The following ATF1 variants were observed in gnomAD, a reference collection of about 807,000 sequenced individuals.
ATF1 encodes the protein cyclic AMP-dependent transcription factor ATF-1.
Under a neutral mutation model 34.7 loss-of-function variants are expected in ATF1, and 16 were observed. The ratio of observed to expected loss-of-function variants is 0.46; its 90% CI spans 0.31 to 0.70. The LOEUF is 0.70. Among genes scored for constraint, ATF1 ranks in the 30% least tolerant of loss-of-function variants. The probability of loss-of-function intolerance (pLI) is 0.05; values close to 1 mark genes in which losing one functional copy is unlikely to be tolerated. For missense variants in ATF1, 255 were observed against 321.6 expected, an observed-to-expected ratio of 0.79 and a Z score of 1.58; for synonymous variants, 105 against 113.1, an observed-to-expected ratio of 0.93 and a Z score of 0.46.
intron 1 of ATF1, among the ~76,000 whole-genome samples, chr12:50,774,310 C>G (rs1940856412): frequency 1.3e-5 from 2 of 152,212 alleles, no homozygotes; most frequent in South Asian, 2.1e-4. Context: ...GTTGGGATTA[C>G]AGGCGTGAGC....
At chr12:50,799,187 C>A (rs1941467380) in intron 3 of ATF1, among the ~76,000 whole-genome samples, 1 of 152,088 alleles carries the variant, frequency 6.6e-6, no homozygotes, top group South Asian at 2.1e-4. Flanking sequence ...GAATTTAAGA[C>A]CAATCTGTGT....
rs994723582 is a variant in ATF1 at position 50,800,059 on chromosome 12, A to G, written c.194+4050A>G. 4.6e-5 allele frequency among the ~76,000 whole-genome samples: 7 copies of G among 152,254 alleles called. No homozygotes were observed. In the South Asian group the frequency reaches 8.3e-4, roughly 18 times the overall value. ...AAATAAATCATTGCCCAGACTTACC[A>G]TAATCAAACTGCTGAAAGCTAAAGT... On this transcript the variant is annotated intron_variant, in intron 3 of 6. Coordinates refer to ENST00000262053, the MANE Select transcript of ATF1 (RefSeq NM_005171.5).
rs138054326 is a variant in ATF1, at chr12:50,795,974, A to C, written c.159A>C (p.Lys53Asn). 2.2e-5 allele frequency: 35 copies of C among 1,612,740 alleles called. No individual in the cohort carries two copies. The highest frequency in any genetic ancestry group is 5.1e-5 in the Admixed American group (3 of 59,322). Residue 53 changes from lysine (K) to asparagine (N), a missense_variant, in exon 3 of 7, where the codon AAA becomes AAC. Lys to Asn is a moderately conservative substitution (Grantham distance 94, BLOSUM62 0). Coordinates refer to ENST00000262053, the MANE Select transcript of ATF1 (RefSeq NM_005171.5). ...DSSDSIGSSQ[K>N]AHGILARRPS... ...CCGACAGCATAGGCTCCTCACAGAAAGCCCACGGGATCCTAGCACGGCGCC... is the reference window on the plus strand; with the variant it reads ...CCGACAGCATAGGCTCCTCACAGAACGCCCACGGGATCCTAGCACGGCGCC...
At chr12:50,802,993 G>A (rs1304736454) in intron 3 of ATF1, among the ~76,000 whole-genome samples, 1 of 151,780 alleles carries the variant, frequency 6.6e-6, no homozygotes, top group African/African-American at 2.4e-5. Flanking sequence ...GGGCATGGTG[G>A]CTTATGCATG....
intron 1 of ATF1, among the ~76,000 whole-genome samples, chr12:50,774,752 G>GTT (rs63149060): frequency 7.7e-4 from 109 of 141,176 alleles, no homozygotes; most frequent in African/African-American, 2.2e-3. Context: ...TTTTGTTTTT[G>GTT]TTTTTTTTTT....
At chr12:50,792,634 T>G (rs1941328960) in intron 2 of ATF1, among the ~76,000 whole-genome samples, 1 of 152,190 alleles carries the variant, frequency 6.6e-6, no homozygotes, top group South Asian at 2.1e-4. Context: ...AAAGTTGTCT[T>G]ACAAATTAGA....
rs1196722901 is a variant in ATF1, at chr12:50,778,318, C to T, written c.-6-1822C>T. Reference sequence around the variant, plus strand: ...TCAGCTCACTGCAACCTCCACCTCCCGGGTTCAAATGATTCTCCTGCCTCA... The same window carrying T: ...TCAGCTCACTGCAACCTCCACCTCCTGGGTTCAAATGATTCTCCTGCCTCA... On this transcript the variant is annotated intron_variant, in intron 1 of 6. Transcript: ENST00000262053. Among the ~76,000 whole-genome samples the T allele has an allele frequency of 7.4e-5, 11 of 149,158 alleles. No individual in the cohort carries two copies. The South Asian group carries it at 8.6e-4, about 12-fold the overall frequency.
At chr12:50,792,422 C>T (rs543111502) in intron 2 of ATF1, among the ~76,000 whole-genome samples, 2 of 152,208 alleles carry the variant, frequency 1.3e-5, no homozygotes, top group South Asian at 2.1e-4. Flanking sequence ...AATGGATCTG[C>T]GCCAGTGACA....
intron 4 of ATF1, among the ~76,000 whole-genome samples, chr12:50,813,801 G>A (rs138895382): frequency 1.1e-4 from 16 of 147,096 alleles, no homozygotes; most frequent in African/African-American, 3.8e-4. Flanking sequence ...GCGGTAGAGC[G>A]AGACTCCATC....
intron 6 of ATF1, among the ~76,000 whole-genome samples, chr12:50,818,036 C>T (rs1445244352): frequency 6.6e-6 from 1 of 151,834 alleles, no homozygotes; most frequent in Non-Finnish European, 1.5e-5. Flanking sequence ...GGATTTTTTT[C>T]CTTCCTTTTT....
Position 50,808,126 on chromosome 12 carries a change from A to T in ATF1, c.195-1330A>T, listed in dbSNP as rs140286133. Among the ~76,000 whole-genome samples the T allele has an allele frequency of 5.1e-3, 782 of 151,970 alleles. 4 individuals are homozygous for T. Among genetic ancestry groups the T allele is most frequent in the African/African-American group, 0.017 (720 of 41,468 alleles). ...TGCCCATCCCCAATTGTCTTGAAAG[A>T]CCTTTCTTTTCAGCAAGGAATACTT... On this transcript the variant is annotated intron_variant, in intron 3 of 6. Transcript: ENST00000262053.
At chr12:50,816,293 T>G (rs2139699379) in intron 6 of ATF1, among the ~76,000 whole-genome samples, 1 of 152,134 alleles carries the variant, frequency 6.6e-6, no homozygotes, top group South Asian at 2.1e-4. Context: ...CACTTCAGCC[T>G]GGGCAACAGA....
intron 3 of ATF1, among the ~76,000 whole-genome samples, chr12:50,806,695 GA>G (rs60568482): frequency 2.3e-3 from 316 of 138,966 alleles, no homozygotes; most frequent in Non-Finnish European, 1.9e-3. Context: ...GTGTACTTGT[GA>G]AAAAAAAAAA....
Position 50,775,894 on chromosome 12 carries a change from A to G in ATF1, c.-6-4246A>G, listed in dbSNP as rs1940907723. 2.0e-5 allele frequency among the ~76,000 whole-genome samples: 3 copies of G among 152,128 alleles called. No homozygotes were observed. In the South Asian group the frequency reaches 6.2e-4, roughly 32 times the overall value. On this transcript the variant is annotated intron_variant, in intron 1 of 6. Coordinates refer to ENST00000262053, the MANE Select transcript of ATF1 (RefSeq NM_005171.5). ...CTGTGGGATTACCTTGTATTAGTGT[A>G]GATTAAAAAGCACTGAATTGGCCAG...
intron 2 of ATF1, among the ~76,000 whole-genome samples, chr12:50,795,554 G>C (rs1941391742): frequency 6.6e-6 from 1 of 152,176 alleles, no homozygotes; most frequent in South Asian, 2.1e-4. Context: ...ATGTCAGGTA[G>C]ATTAGTAATA....
chr12:50,811,822 G>A (rs1428668865), intron 4 of ATF1, among the ~76,000 whole-genome samples: 1 of 152,048 alleles, frequency 6.6e-6, no homozygotes, highest in Non-Finnish European at 1.5e-5. Context: ...GAAACTGGGA[G>A]CAGTGGTTGC....
intron 2 of ATF1, among the ~76,000 whole-genome samples, chr12:50,781,755 A>G (rs1344043727): frequency 6.6e-6 from 1 of 151,878 alleles, no homozygotes; most frequent in African/African-American, 2.4e-5. Context: ...CCGGCCAAAA[A>G]ATTTTAAAAA....
rs139226728 is a variant in ATF1 at position 50,777,891 on chromosome 12, C to A, written c.-6-2249C>A. Among the ~76,000 whole-genome samples, 741 of 151,958 alleles carry A rather than the reference C, an allele frequency of 4.9e-3. 21 individuals carry two copies. The highest frequency in any genetic ancestry group is 0.045 in the Admixed American group (691 of 15,254). ...CCTGGCAGCTACCTAGCTGCCCTCT[C>A]TCTCTCTAATTGTGGAGAAATATAC... On this transcript the variant is annotated intron_variant, in intron 1 of 6. Transcript: ENST00000262053.
At chr12:50,773,240 T>C (rs1940822670) in intron 1 of ATF1, among the ~76,000 whole-genome samples, 2 of 152,194 alleles carry the variant, frequency 1.3e-5, no homozygotes, top group African/African-American at 2.4e-5. Context: ...TGGGCATGTA[T>C]CTTTATAATA....
Sources: allele counts gnomAD v4.1 joint callset (sites outside exome capture counted in the v4.1 genomes callset), GRCh38; gene constraint gnomAD v4.1.1; transcripts MANE v1.5; gene names NCBI Gene and HGNC (gene_info 2026-07-23, HGNC 2026-07-21).